The following AQP1 variants were observed in gnomAD, a reference collection of about 807,000 sequenced individuals.
The protein encoded by AQP1 is aquaporin-1.
A neutral mutation model predicts 19.7 loss-of-function variants in AQP1; 11 were observed. The ratio of observed to expected loss-of-function variants is 0.56; its 90% confidence interval spans 0.35 to 0.92. AQP1 has a LOEUF of 0.92. AQP1 is among the 40% of genes least tolerant of loss of function. AQP1 has a pLI of 0.01. For synonymous variants in AQP1, 159 were observed against 166.7 expected, an observed-to-expected ratio of 0.95 and a Z score of 0.36; for missense variants, 320 against 369.7, an observed-to-expected ratio of 0.87 and a Z score of 1.10.
intron 1 of AQP1, among the ~76,000 whole-genome samples, chr7:30,920,094 C>G (rs767096727): frequency 6.6e-6 from 1 of 152,136 alleles, no homozygotes; most frequent in Non-Finnish European, 1.5e-5. Context: ...CTGGGGCTCT[C>G]GCACCTGGTT....
intron 1 of AQP1, among the ~76,000 whole-genome samples, chr7:30,915,370 A>G (rs1465335983): frequency 6.6e-6 from 1 of 152,016 alleles, no homozygotes; most frequent in African/African-American, 2.4e-5. Context: ...GGGCCCGGGA[A>G]CTTTTGAACT....
chr7:30,913,725 C>A (rs1159919698), intron 1 of AQP1, among the ~76,000 whole-genome samples: 1 of 152,184 alleles, frequency 6.6e-6, no homozygotes, highest in African/African-American at 2.4e-5. Context: ...CTGCAGCCAA[C>A]CTCTGCTAGG....
intron 1 of AQP1, chr7:30,921,507 A>G: frequency 6.7e-7 from 1 of 1,502,334 alleles, no homozygotes; most frequent in Non-Finnish European, 8.9e-7. Context: ...TGGAGACAAT[A>G]GGGAGGCAGG....
intron 1 of AQP1, chr7:30,921,610 G>T: frequency 6.4e-7 from 1 of 1,550,632 alleles, no homozygotes; most frequent in East Asian, 2.4e-5. Flanking sequence ...GGGGTGGAAT[G>T]TTCTGGACTT....
Position 30,924,113 on chromosome 7 carries a change from G to A in AQP1, c.*484G>A. On this transcript the variant is annotated 3_prime_UTR_variant, in exon 4 of 4. Coordinates refer to ENST00000311813, the MANE Select transcript of AQP1 (RefSeq NM_198098.4). ...AGATCCCAGGAGGTGCAGTGGAGGG[G>A]GCAAGCTTTGCTCCTTCAGTTCTGC... 2.5e-6 allele frequency: 3 copies of A among 1,194,946 alleles called. No homozygotes were observed. Among genetic ancestry groups the A allele is most frequent in the Non-Finnish European group, 3.2e-6 (3 of 944,334 alleles). 74.0% of individuals were successfully genotyped at this position (1,194,946 alleles called of 1,614,324 possible).
Position 30,912,384 on chromosome 7 carries a change from C to T in AQP1, c.384+91C>T. 1 of 1,534,842 alleles carries T rather than the reference C, an allele frequency of 6.5e-7. No homozygotes were observed. Among genetic ancestry groups the T allele is most frequent in the Non-Finnish European group, 8.8e-7 (1 of 1,138,594 alleles). On this transcript the variant is annotated intron_variant, in intron 1 of 3. Coordinates refer to ENST00000311813, the MANE Select transcript of AQP1 (RefSeq NM_198098.4). The surrounding 1 kb of genome is among the most constrained non-coding windows in gnomAD (Gnocchi z 4.3). The stretch of plus-strand genomic sequence containing the variant: ...TCTGCCCATTGTGCAGATGGGGACA[C>T]TGAGGAACGGAGAGGACAAGAGGTT...
At chr7:30,913,748 G>GC (rs937608938) in intron 1 of AQP1, among the ~76,000 whole-genome samples, 2 of 152,210 alleles carry the variant, frequency 1.3e-5, no homozygotes, top group African/African-American at 4.8e-5. Flanking sequence ...CAAGATTGAA[G>GC]ATTAGCTCCG....
rs777933728 is a variant in AQP1, at chr7:30,922,607, G to C, written c.593G>C (p.Gly198Ala). Residue 198 changes from glycine (G) to alanine (A), a missense_variant, in exon 3 of 4, where the codon GGC becomes GCC. Coordinates refer to ENST00000311813, the MANE Select transcript of AQP1 (RefSeq NM_198098.4). The stretch of plus-strand genomic sequence containing the variant: ...GGGATTAACCCTGCTCGGTCCTTTG[G>C]CTCCGCGGTGATCACACACAACTTC... The part of the protein sequence containing the change: ...GCGINPARSF[G>A]SAVITHNFSN... The C allele has an allele frequency of 6.8e-6, 11 of 1,614,134 alleles. No homozygotes were observed. Among genetic ancestry groups the C allele is most frequent in the Non-Finnish European group, 9.3e-6 (11 of 1,180,018 alleles).
intron 1 of AQP1, chr7:30,921,155 C>A: frequency 2.1e-6 from 1 of 483,278 alleles, no homozygotes; most frequent in Non-Finnish European, 2.8e-6. Flanking sequence ...TGTGTGAGTG[C>A]ACTTAGCCCC....
intron 1 of AQP1, among the ~76,000 whole-genome samples, chr7:30,914,052 G>T (rs1018881331): frequency 6.6e-5 from 10 of 152,308 alleles, no homozygotes; most frequent in Non-Finnish European, 1.2e-4. Flanking sequence ...GCTGGCGAAG[G>T]CTTCACCCTC....
chr7:30,921,737 G>A, intron 1 of AQP1: 1 of 1,550,888 alleles, frequency 6.4e-7, no homozygotes, highest in Non-Finnish European at 8.7e-7. Flanking sequence ...TCTGGTCTTG[G>A]TACCCCAGAA....
intron 1 of AQP1, among the ~76,000 whole-genome samples, chr7:30,914,812 G>T (rs1168389763): frequency 6.6e-6 from 1 of 152,266 alleles, no homozygotes; most frequent in African/African-American, 2.4e-5. Flanking sequence ...AGTGGTTGGG[G>T]TGAGTCAGGG....
At chr7:30,915,938 G>A (rs895847932) in intron 1 of AQP1, among the ~76,000 whole-genome samples, 1 of 152,164 alleles carries the variant, frequency 6.6e-6, no homozygotes, top group Non-Finnish European at 1.5e-5. Flanking sequence ...TGCCCAGGGA[G>A]GGGCTGGGGG....
At position 30,912,993 on chromosome 7, in the gene AQP1, C is replaced by CGTGT. The variant is rs1016278358; in HGVS notation, c.384+710_384+713dup. Among the ~76,000 whole-genome samples the CGTGT allele has an allele frequency of 5.3e-5, 8 of 151,188 alleles. No homozygotes were observed. The highest frequency in any genetic ancestry group is 2.0e-4 in the East Asian group (1 of 5,128). On this transcript the variant is annotated intron_variant, in intron 1 of 3. Coordinates refer to ENST00000311813, the MANE Select transcript of AQP1 (RefSeq NM_198098.4). This position sits in a 1 kb window ranked among gnomAD's most constrained non-coding sequence, Gnocchi z 4.3. ...TGGCGTGTGTGTGCATGTGCGTGTGCGTGTGTGTGTGTGAAGGTGTGTATG... is the reference window on the plus strand; with the variant it reads ...TGGCGTGTGTGTGCATGTGCGTGTGCGTGTGTGTGTGTGTGTGAAGGTGTGTATG...
At position 30,911,996 on chromosome 7, in the gene AQP1, C is replaced by T. The variant is rs773770376; in HGVS notation, c.87C>T (p.Ile29=). 9.3e-6 allele frequency: 15 copies of T among 1,613,550 alleles called. No homozygotes were observed. The highest frequency in any genetic ancestry group is 8.0e-5 in the African/African-American group (6 of 74,946). The change falls in exon 1 of 4, where the codon ATC becomes ATT. Residue 29 remains isoleucine (I), a synonymous_variant. Transcript: ENST00000311813. The part of the protein sequence containing the change: ...LATTLFVFIS[I]GSALGFKYPV... Reference sequence around the variant, plus strand: ...CGACCCTCTTTGTCTTCATCAGCATCGGTTCTGCCCTGGGCTTCAAATACC... The same window carrying T: ...CGACCCTCTTTGTCTTCATCAGCATTGGTTCTGCCCTGGGCTTCAAATACC...
At chr7:30,917,702 A>C (rs1353584746) in intron 1 of AQP1, among the ~76,000 whole-genome samples, 1 of 152,224 alleles carries the variant, frequency 6.6e-6, no homozygotes, top group Non-Finnish European at 1.5e-5. Flanking sequence ...TCAGTACCTC[A>C]TCAGTTGATG....
intron 3 of AQP1, 69 bp downstream of exon 3, chr7:30,922,713 A>T (rs1562580703): frequency 6.9e-7 from 1 of 1,444,068 alleles, no homozygotes; most frequent in Non-Finnish European, 9.7e-7. Context: ...CCACCCTCAC[A>T]GTGTCCCTTC....
intron 1 of AQP1, chr7:30,921,471 C>T (rs575352844): frequency 4.3e-5 from 63 of 1,469,384 alleles, no homozygotes; most frequent in East Asian, 1.5e-4. Context: ...AGGAAAGAGA[C>T]GGGGTGGAGA....
At chr7:30,922,352 G>T in intron 2 of AQP1, 122 bp downstream of exon 2, 1 of 1,435,798 alleles carries the variant, frequency 7.0e-7, no homozygotes, top group South Asian at 1.3e-5. Flanking sequence ...GGAGGATGGC[G>T]GGTCAGCGCT....
Sources: allele counts gnomAD v4.1 joint callset (sites outside exome capture counted in the v4.1 genomes callset), GRCh38; gene constraint gnomAD v4.1.1; non-coding constraint Gnocchi (gnomAD v3.1); transcripts MANE v1.5; gene names NCBI Gene and HGNC (gene_info 2026-07-23, HGNC 2026-07-21).